GSN: variants seen among roughly 807,000 people sequenced by gnomAD.
GSN encodes actin-depolymerizing factor.
Under a neutral mutation model 85.7 loss-of-function variants are expected in GSN, and 56 were observed. The ratio of observed to expected loss-of-function variants is 0.65; its 90% CI spans 0.53 to 0.82. The LOEUF is 0.82. Among genes scored for constraint, GSN ranks in the 40% least tolerant of loss-of-function variants. GSN has a pLI of 0.00. For missense variants in GSN, 857 were observed against 979.8 expected (o/e 0.87, Z 1.67); for synonymous variants, 373 against 399.1 (o/e 0.93, Z 0.78).
At chr9:121,245,861 TC>T (rs796938191) in intron 5 of GSN, among the ~76,000 whole-genome samples, 130 of 152,330 alleles carry the variant, frequency 8.5e-4, no homozygotes, top group African/African-American at 3.0e-3. Flanking sequence ...CAAGTGACCC[TC>T]TTGCCTCAGC....
At chr9:121,213,041 C>T (rs528940389) in intron 4 of GSN, among the ~76,000 whole-genome samples, 2 of 152,150 alleles carry the variant, frequency 1.3e-5, no homozygotes, top group African/African-American at 4.8e-5. Context: ...TTCTTCCTGC[C>T]CATATATTTA....
Position 121,299,647 on chromosome 9 carries a change from G to C in GSN, c.-9-2316G>C, listed in dbSNP as rs2059572066. 1.5e-5 allele frequency: 9 copies of C among 618,532 alleles called. No homozygotes were observed. The highest frequency in any genetic ancestry group is 2.0e-5 in the Non-Finnish European group (9 of 458,080). The allele number at this position is 618,532 out of a possible 1,614,324, so 38.3% of individuals were successfully genotyped here. A position where few individuals can be genotyped will look rare whatever the true frequency, so the allele number is the denominator to read the frequency against. Reference sequence around the variant, plus strand: ...CCCGCCGTATGTCAGGCCTGGTGCTGGGTCTCCGCCCCGGAGCTGGGGTGC... The same window carrying C: ...CCCGCCGTATGTCAGGCCTGGTGCTCGGTCTCCGCCCCGGAGCTGGGGTGC... On this transcript the variant is annotated intron_variant, in intron 2 of 17. Coordinates refer to ENST00000432226, the MANE Select transcript of GSN (RefSeq NM_198252.3). This position sits in a 1 kb window ranked among gnomAD's most constrained non-coding sequence, Gnocchi z 4.2.
intron 2 of GSN, chr9:121,286,473 C>G (rs2058091270): frequency 4.7e-6 from 4 of 846,256 alleles, no homozygotes; most frequent in Non-Finnish European, 7.1e-6. Context: ...GGCCACACCC[C>G]CAAGCCTTTG....
chr9:121,240,931 G>A (rs1239843166), intron 5 of GSN, among the ~76,000 whole-genome samples: 1 of 152,182 alleles, frequency 6.6e-6, no homozygotes, highest in Non-Finnish European at 1.5e-5. Context: ...GAGCACTCTT[G>A]GTGAAATCAG....
chr9:121,308,180 G>A (rs2060629916), intron 4 of GSN, among the ~76,000 whole-genome samples: 2 of 152,248 alleles, frequency 1.3e-5, no homozygotes, highest in Non-Finnish European at 2.9e-5. Flanking sequence ...AAGCAGGGTG[G>A]AAAGATAGGT....
chr9:121,264,515 T>C (rs1231723961), upstream of GSN, among the ~76,000 whole-genome samples: 4 of 152,114 alleles, frequency 2.6e-5, no homozygotes, highest in Admixed American at 6.5e-5. Flanking sequence ...CTAAACACAC[T>C]AAATCAGTTC....
intron 2 of GSN, among the ~76,000 whole-genome samples, chr9:121,292,073 T>A (rs2058746378): frequency 6.6e-6 from 1 of 152,118 alleles, no homozygotes; most frequent in Non-Finnish European, 1.5e-5. Context: ...ATTTTTTAAT[T>A]TTGTGTAGAG....
intron 5 of GSN, among the ~76,000 whole-genome samples, chr9:121,233,931 T>A (rs1462947743): frequency 6.6e-6 from 1 of 152,164 alleles, no homozygotes; most frequent in African/African-American, 2.4e-5. Context: ...CAGACAATAA[T>A]GCCTTGAACA....
chr9:121,217,982 G>A (rs2054099012), intron 4 of GSN, among the ~76,000 whole-genome samples: 1 of 151,866 alleles, frequency 6.6e-6, no homozygotes, highest in African/African-American at 2.4e-5. Context: ...TTTTACATAA[G>A]TACGATCAAA....
In GSN at chr9:121,273,495, A is replaced by G. The variant is rs556843279; in HGVS notation, c.-103+5276A>G. Among the ~76,000 whole-genome samples the G allele has an allele frequency of 2.7e-4, 41 of 151,982 alleles. No homozygotes were observed. In the South Asian group the frequency reaches 8.5e-3, roughly 32 times the overall value. On this transcript the variant is annotated intron_variant, in intron 1 of 17. Transcript: ENST00000432226. The stretch of plus-strand genomic sequence containing the variant: ...CCCCCACCCTTATTATTTCTATTAC[A>G]CTTGTGATAGAAAATTTAGGAAATA...
chr9:121,307,765 T>C (rs1464750295), intron 4 of GSN, among the ~76,000 whole-genome samples: 4 of 152,146 alleles, frequency 2.6e-5, no homozygotes, highest in East Asian at 3.8e-4. Context: ...TGAGCGCAGG[T>C]TGTTGCATTT....
intron 5 of GSN, chr9:121,311,888 A>G (rs1040551962): frequency 1.2e-5 from 2 of 166,796 alleles, no homozygotes; most frequent in African/African-American, 2.4e-5. Context: ...GTTTGGGGCT[A>G]TTACAGACAG....
Position 121,261,443 on chromosome 9 carries a change from C to A in GSN, c.-340-3711C>A, listed in dbSNP as rs962960212. ...CACATGAAAGGCAGTGGCTTTGGAG[C>A]AAAACCTGGGTTCCAGTCCCAGCTC... is the stretch of plus-strand genomic sequence containing the variant. On this transcript the variant is annotated intron_variant, in intron 6 of 24. Coordinates refer to the GSN transcript ENST00000373823. This position sits in a 1 kb window ranked among gnomAD's most constrained non-coding sequence, Gnocchi z 4.1. Among the ~76,000 whole-genome samples the A allele has an allele frequency of 1.3e-5, 2 of 152,234 alleles. No homozygotes were observed. The highest frequency in any genetic ancestry group is 4.8e-5 in the African/African-American group (2 of 41,456).
At chr9:121,256,731 A>AC (rs1207743702) in intron 6 of GSN, among the ~76,000 whole-genome samples, 1 of 151,260 alleles carries the variant, frequency 6.6e-6, no homozygotes, top group Non-Finnish European at 1.5e-5. Context: ...TACAACAACA[A>AC]AAAAAAAATT....
At chr9:121,257,124 C>G (rs2054980493) in intron 6 of GSN, among the ~76,000 whole-genome samples, 1 of 151,688 alleles carries the variant, frequency 6.6e-6, no homozygotes, top group South Asian at 2.1e-4. Context: ...ATATGTACAA[C>G]TATTATTTAT....
chr9:121,310,875 C>G, intron 5 of GSN, 30 bp downstream of exon 5: 1 of 1,608,326 alleles, frequency 6.2e-7, no homozygotes. Flanking sequence ...TTCCCAGGAG[C>G]CACTGAGGTG....
intron 4 of GSN, among the ~76,000 whole-genome samples, chr9:121,214,537 T>A (rs970562031): frequency 3.3e-5 from 5 of 152,212 alleles, no homozygotes; most frequent in Admixed American, 6.5e-5. Flanking sequence ...TAATAATAAA[T>A]ACTAGTTTAT....
At chr9:121,294,529 T>C (rs1159054717) in intron 2 of GSN, among the ~76,000 whole-genome samples, 1 of 152,106 alleles carries the variant, frequency 6.6e-6, no homozygotes, top group Non-Finnish European at 1.5e-5. Flanking sequence ...GTCCCAGCAC[T>C]AGGTGGGGCT....
At chr9:121,243,897 G>A (rs147734916) in intron 5 of GSN, among the ~76,000 whole-genome samples, 1 of 152,278 alleles carries the variant, frequency 6.6e-6, no homozygotes, top group African/African-American at 2.4e-5. Context: ...GTGCACAATT[G>A]TATGAGTTTT....
Sources: gnomAD v4.1 joint callset for allele counts (sites outside exome capture counted in the v4.1 genomes callset) on GRCh38, gnomAD v4.1.1 for gene constraint, Gnocchi (gnomAD v3.1) non-coding constraint, MANE v1.5 for transcripts, NCBI Gene and HGNC (gene_info 2026-07-23, HGNC 2026-07-21) for gene names.